The following ZNF609 variants were observed in gnomAD, a reference collection of about 807,000 sequenced individuals.
The protein encoded by ZNF609 is zinc finger protein 609.
A neutral mutation model predicts 109.5 loss-of-function variants in ZNF609; 11 were observed. That is an observed-to-expected ratio of 0.10 (90% CI 0.06 to 0.17). The LOEUF (loss-of-function observed/expected upper bound fraction) is 0.17, where lower values mean the gene tolerates loss of function less well. ZNF609 is among the 10% of genes least tolerant of loss of function. The probability of loss-of-function intolerance (pLI) is 1.00; values close to 1 mark genes in which losing one functional copy is unlikely to be tolerated. For missense variants in ZNF609, 1,559 were observed against 1,772.4 expected (o/e 0.88, Z 2.16); for synonymous variants, 646 against 662.0 (o/e 0.98, Z 0.37).
chr15:64,646,854 C>T (rs774849865), intron 3 of ZNF609, among the ~76,000 whole-genome samples: 23 of 146,478 alleles, frequency 1.6e-4, no homozygotes, highest in African/African-American at 2.5e-4. Flanking sequence ...GCAGGAGAAT[C>T]GCTTGAACCT....
intron 2 of ZNF609, among the ~76,000 whole-genome samples, chr15:64,506,342 C>T (rs575992452): frequency 1.5e-4 from 22 of 150,702 alleles, no homozygotes; most frequent in Non-Finnish European, 2.5e-4. Flanking sequence ...AGGCTGGTGT[C>T]GAGCTCCTGG....
chr15:64,483,071 G>A (rs1893278366), intron 1 of ZNF609, among the ~76,000 whole-genome samples: 1 of 151,908 alleles, frequency 6.6e-6, no homozygotes, highest in South Asian at 2.1e-4. Flanking sequence ...TTTGATTACA[G>A]TGTGCTGTTT....
chr15:64,505,384 C>A (rs1041324202), intron 2 of ZNF609, among the ~76,000 whole-genome samples: 9 of 152,124 alleles, frequency 5.9e-5, no homozygotes, highest in African/African-American at 2.2e-4. Context: ...AATAGGCAGA[C>A]CTTCAAATGT....
intron 2 of ZNF609, among the ~76,000 whole-genome samples, chr15:64,577,368 TATATATACACATATAA>T (rs1308296949): frequency 5.0e-5 from 1 of 19,972 alleles, no homozygotes; most frequent in South Asian, 6.3e-4. Flanking sequence ...CATATATGTA[TATATATACACATATAA>T]ATATATACAC....
chr15:64,519,922 T>A (rs143592141), intron 2 of ZNF609, among the ~76,000 whole-genome samples: 10 of 152,344 alleles, frequency 6.6e-5, no homozygotes, highest in African/African-American at 1.2e-4. Context: ...GATCTAAAAG[T>A]ACACTGTAAA....
At chr15:64,656,480 G>GAC in intron 3 of ZNF609, among the ~76,000 whole-genome samples, 1 of 152,044 alleles carries the variant, frequency 6.6e-6, no homozygotes, top group East Asian at 1.9e-4. Flanking sequence ...CCTACTCTCT[G>GAC]ACACATGCCT....
At chr15:64,599,699 C>A (rs1245241801) in intron 2 of ZNF609, among the ~76,000 whole-genome samples, 5 of 152,142 alleles carry the variant, frequency 3.3e-5, no homozygotes, top group Admixed American at 2.0e-4. Flanking sequence ...ACAATAACAT[C>A]ATACCCTTTC....
chr15:64,652,412 G>T (rs1268858172), intron 3 of ZNF609, among the ~76,000 whole-genome samples: 2 of 140,340 alleles, frequency 1.4e-5, no homozygotes, highest in Non-Finnish European at 3.1e-5. Flanking sequence ...TTTGAGACAG[G>T]GTCTTACTCT....
chr15:64,516,490 C>T (rs534901398), intron 2 of ZNF609, among the ~76,000 whole-genome samples: 9 of 152,312 alleles, frequency 5.9e-5, no homozygotes, highest in African/African-American at 1.7e-4. Flanking sequence ...TCTCCTGCCA[C>T]AGCCTCCCAA....
At chr15:64,577,343 ATG>A (rs1198237541) in intron 2 of ZNF609, among the ~76,000 whole-genome samples, 1 of 19,120 alleles carries the variant, frequency 5.2e-5, no homozygotes, top group African/African-American at 9.2e-5. Context: ...ATACATATAT[ATG>A]TATATATATA....
intron 2 of ZNF609, among the ~76,000 whole-genome samples, chr15:64,571,089 A>T (rs892677360): frequency 1.3e-5 from 2 of 152,220 alleles, no homozygotes; most frequent in Non-Finnish European, 2.9e-5. Context: ...TTAAAAGTCC[A>T]TGCTGATGCT....
At chr15:64,473,489 G>A (rs914275812) in intron 1 of ZNF609, among the ~76,000 whole-genome samples, 6 of 151,628 alleles carry the variant, frequency 4.0e-5, no homozygotes, top group Non-Finnish European at 5.9e-5. Context: ...GAGCCACCGC[G>A]CCTGGCCTCA....
At position 64,685,969 on chromosome 15, in the gene ZNF609, C is replaced by G. The variant is rs2083238059; in HGVS notation, c.*4283C>G. On this transcript the variant is annotated 3_prime_UTR_variant, in exon 10 of 10. Transcript: ENST00000326648. ...TCCTCATCCCCACTTTTTTCCCTTTCTCTCTACTTCCTCTTCTTAATTGGC... is the reference window on the plus strand; with the variant it reads ...TCCTCATCCCCACTTTTTTCCCTTTGTCTCTACTTCCTCTTCTTAATTGGC... 1.3e-5 allele frequency: 2 copies of G among 152,122 alleles called. No individual in the cohort carries two copies. Among genetic ancestry groups the G allele is most frequent in the Non-Finnish European group, 2.9e-5 (2 of 68,020 alleles). The allele number at this position is 152,122 out of a possible 1,614,324, so 9.4% of individuals were successfully genotyped here. A position where few individuals can be genotyped will look rare whatever the true frequency, so the allele number is the denominator to read the frequency against.
chr15:64,673,435 A>G (rs1190813980), intron 4 of ZNF609, among the ~76,000 whole-genome samples: 2 of 152,228 alleles, frequency 1.3e-5, no homozygotes, highest in East Asian at 1.9e-4. Context: ...GTTATATCTG[A>G]TGTTTAGGGA....
chr15:64,645,012 C>T (rs149619720), intron 3 of ZNF609, among the ~76,000 whole-genome samples: 5,654 of 101,510 alleles, frequency 0.056, 397 homozygotes, highest in African/African-American at 0.25. Context: ...TTTCTTTCTT[C>T]CTTCCTTCCT....
chr15:64,638,034 C>T (rs866875210), intron 3 of ZNF609, among the ~76,000 whole-genome samples: 3 of 133,924 alleles, frequency 2.2e-5, no homozygotes, highest in Admixed American at 7.6e-5. Context: ...TATAAAAATA[C>T]ATATATATAT....
intron 2 of ZNF609, chr15:64,529,340 A>G: frequency 1.4e-6 from 1 of 728,138 alleles, no homozygotes; most frequent in Non-Finnish European, 2.5e-6. Flanking sequence ...CCTGCAAGTG[A>G]GCCCCAGCCT....
chr15:64,647,588 T>C (rs2140995116), intron 3 of ZNF609, among the ~76,000 whole-genome samples: 1 of 152,290 alleles, frequency 6.6e-6, no homozygotes, highest in East Asian at 1.9e-4. Context: ...TTTAGAGAAA[T>C]ATATTCCTGT....
chr15:64,616,821 T>TTC, intron 2 of ZNF609, among the ~76,000 whole-genome samples: 1 of 121,368 alleles, frequency 8.2e-6, no homozygotes, highest in East Asian at 2.5e-4. Flanking sequence ...GCTTTTTTTT[T>TTC]TTTTTTTTTT....
Sources: gnomAD v4.1 joint callset for allele counts (sites outside exome capture counted in the v4.1 genomes callset) on GRCh38, gnomAD v4.1.1 for gene constraint, MANE v1.5 for transcripts, NCBI Gene and HGNC (gene_info 2026-07-23, HGNC 2026-07-21) for gene names.